SMYD2: variants seen among roughly 807,000 people sequenced by gnomAD.
The protein encoded by SMYD2 is SET and MYND domain containing 2, also known as N-lysine methyltransferase SMYD2.
A neutral mutation model predicts 59.1 loss-of-function variants in SMYD2; 53 were observed. That is an observed-to-expected ratio of 0.90 (90% CI 0.72 to 1.13). The LOEUF is 1.13. Among genes scored for constraint, SMYD2 ranks in the 50% most tolerant of loss-of-function variants. The probability of loss-of-function intolerance (pLI) is 0.00; values close to 1 mark genes in which losing one functional copy is unlikely to be tolerated. For missense variants in SMYD2, 494 were observed against 544.7 expected, an observed-to-expected ratio of 0.91 and a Z score of 0.93; for synonymous variants, 208 against 198.8, an observed-to-expected ratio of 1.05 and a Z score of -0.39.
chr1:214,283,157 C>T (rs1051025416), intron 1 of SMYD2, among the ~76,000 whole-genome samples: 3 of 152,220 alleles, frequency 2.0e-5, no homozygotes, highest in African/African-American at 4.8e-5. Context: ...TTCTCTTTAG[C>T]TTTAAGTCTC....
chr1:214,292,551 C>T (rs968682211), intron 1 of SMYD2, among the ~76,000 whole-genome samples: 2 of 152,278 alleles, frequency 1.3e-5, no homozygotes, highest in Middle Eastern at 3.4e-3. Flanking sequence ...GAAGACTAGC[C>T]TCTGTTACTG....
At chr1:214,327,928 G>C (rs1657289608) in intron 7 of SMYD2, among the ~76,000 whole-genome samples, 1 of 152,176 alleles carries the variant, frequency 6.6e-6, no homozygotes, top group South Asian at 2.1e-4. Flanking sequence ...TGGGGCTTCT[G>C]TTTGGTACAT....
At chr1:214,290,122 C>G (rs771754911) in intron 1 of SMYD2, among the ~76,000 whole-genome samples, 21 of 152,272 alleles carry the variant, frequency 1.4e-4, no homozygotes, top group African/African-American at 4.8e-4. Flanking sequence ...ATTGCAAAGG[C>G]GTTCACACCA....
chr1:214,308,341 T>C (rs563028272), intron 2 of SMYD2, among the ~76,000 whole-genome samples: 2 of 152,242 alleles, frequency 1.3e-5, no homozygotes, highest in East Asian at 3.9e-4. Flanking sequence ...ACTAAATAAG[T>C]GTGGGCAGTG....
At chr1:214,317,888 A>G (rs955378278) in intron 3 of SMYD2, among the ~76,000 whole-genome samples, 191 bp from the exon 4 acceptor site, 1 of 152,182 alleles carries the variant, frequency 6.6e-6, no homozygotes, top group African/African-American at 2.4e-5. Flanking sequence ...GTAGACATTT[A>G]AAAAAGCGCT....
At chr1:214,304,851 C>G (rs1262097184) in intron 1 of SMYD2, among the ~76,000 whole-genome samples, 1 of 152,146 alleles carries the variant, frequency 6.6e-6, no homozygotes, top group Non-Finnish European at 1.5e-5. Context: ...GAGCTACTGA[C>G]CTGTACAGTA....
At chr1:214,325,788 T>TC (rs1195634832) in intron 6 of SMYD2, among the ~76,000 whole-genome samples, 1 of 151,130 alleles carries the variant, frequency 6.6e-6, no homozygotes, top group African/African-American at 2.4e-5. Flanking sequence ...TTTTTTTTTT[T>TC]TTTTTTTTAA....
chr1:214,324,059 C>T (rs1657216040), intron 5 of SMYD2, among the ~76,000 whole-genome samples: 2 of 152,178 alleles, frequency 1.3e-5, no homozygotes, highest in African/African-American at 2.4e-5. Flanking sequence ...TCCCAAGTAG[C>T]TGGGATTACA....
chr1:214,330,311 G>T (rs758464790), intron 8 of SMYD2, 33 bp downstream of exon 8: 2 of 1,447,454 alleles, frequency 1.4e-6, no homozygotes, highest in Non-Finnish European at 1.9e-6. Context: ...AGCGCTGACT[G>T]CACTCTGATC....
intron 5 of SMYD2, 82 bp downstream of exon 5, chr1:214,319,065 T>A: frequency 6.6e-7 from 1 of 1,510,580 alleles, no homozygotes; most frequent in Non-Finnish European, 9.0e-7. Flanking sequence ...TCAGTGAAGA[T>A]GAATGCAAAT....
intron 1 of SMYD2, among the ~76,000 whole-genome samples, chr1:214,292,255 T>A (rs1251039998): frequency 6.6e-6 from 1 of 152,186 alleles, no homozygotes; most frequent in Non-Finnish European, 1.5e-5. Context: ...TAGCTTGCTC[T>A]GCTGTGTTAT....
chr1:214,336,598 T>G, intron 11 of SMYD2, 106 bp from the exon 12 acceptor site: 1 of 887,156 alleles, frequency 1.1e-6, no homozygotes, highest in Non-Finnish European at 1.8e-6. Flanking sequence ...ATGGCCAGTT[T>G]GCATCCTGTG....
chr1:214,301,572 T>C (rs569520970), intron 1 of SMYD2, among the ~76,000 whole-genome samples: 1 of 152,272 alleles, frequency 6.6e-6, no homozygotes, highest in Non-Finnish European at 1.5e-5. Context: ...TCTTCAGTAT[T>C]GAGAAGCTGT....
chr1:214,285,819 A>G (rs1423008528), intron 1 of SMYD2, among the ~76,000 whole-genome samples: 1 of 152,146 alleles, frequency 6.6e-6, no homozygotes, highest in Non-Finnish European at 1.5e-5. Flanking sequence ...AGAGTCTACT[A>G]CTCACCTAGG....
rs116259429 is a variant in SMYD2, at chr1:214,322,894, G to A, written c.535-1747G>A. On this transcript the variant is annotated intron_variant, in intron 5 of 11. Transcript: ENST00000366957. ...ATCTGAAGTACCTAGCACAGTGCCTGGCCCAGAGTGAGTGCTCAGAGGATG... is the reference window on the plus strand; with the variant it reads ...ATCTGAAGTACCTAGCACAGTGCCTAGCCCAGAGTGAGTGCTCAGAGGATG... 4.1e-3 allele frequency among the ~76,000 whole-genome samples: 617 copies of A among 152,296 alleles called. 6 individuals are homozygous for A. The highest frequency in any genetic ancestry group is 6.1e-3 in the Non-Finnish European group (412 of 68,030).
Position 214,336,694 on chromosome 1 carries a change from T to G in SMYD2, c.1222-10T>G. ...TCTAGGCTCTCATTGTTTGTCTTGC[T>G]TTTTCCTAGGCCATTGCAATCATGG... On this transcript the variant is annotated splice_polypyrimidine_tract_variant and intron_variant, in intron 11 of 11. Transcript: ENST00000366957. 1.2e-6 allele frequency: 2 copies of G among 1,612,920 alleles called. No individual in the cohort carries two copies. The highest frequency in any genetic ancestry group is 1.7e-6 in the Non-Finnish European group (2 of 1,179,494).
intron 1 of SMYD2, among the ~76,000 whole-genome samples, chr1:214,295,946 T>C (rs561754197): frequency 4.7e-4 from 71 of 152,380 alleles, no homozygotes; most frequent in Middle Eastern, 3.4e-3. Context: ...GGTGAAGTTA[T>C]ATTGCACTGC....
At chr1:214,288,795 C>T (rs6688979) in intron 1 of SMYD2, among the ~76,000 whole-genome samples, 11,494 of 152,140 alleles carry the variant, frequency 0.076, 493 homozygotes, top group South Asian at 0.2. Context: ...ATAAAAAGAA[C>T]ATGAGGCTTT....
intron 5 of SMYD2, among the ~76,000 whole-genome samples, chr1:214,320,862 T>G (rs1657161985): frequency 6.6e-6 from 1 of 152,292 alleles, no homozygotes; most frequent in South Asian, 2.1e-4. Context: ...TTATCCTGGG[T>G]TTAAATTGTA....
Sources: gnomAD v4.1 joint callset for allele counts (sites outside exome capture counted in the v4.1 genomes callset) on GRCh38, gnomAD v4.1.1 for gene constraint, MANE v1.5 for transcripts, NCBI Gene and HGNC (gene_info 2026-07-23, HGNC 2026-07-21) for gene names.